NRG1: variants seen among roughly 807,000 people sequenced by gnomAD.
The protein encoded by NRG1 is pro-neuregulin-1, membrane-bound isoform.
A neutral mutation model predicts 63.8 loss-of-function variants in NRG1; 18 were observed. The observed-to-expected ratio is 0.28, with a 90% CI of 0.19 to 0.42. The LOEUF (loss-of-function observed/expected upper bound fraction) is 0.42, where lower values mean the gene tolerates loss of function less well. Ranked by LOEUF, NRG1 falls within the 10% of genes least tolerant of loss-of-function variation. The probability of loss-of-function intolerance (pLI) is 1.00; values close to 1 mark genes in which losing one functional copy is unlikely to be tolerated. For synonymous variants in NRG1, 302 were observed against 301.3 expected, an observed-to-expected ratio of 1.00 and a Z score of -0.02; for missense variants, 762 against 814.7, an observed-to-expected ratio of 0.94 and a Z score of 0.79.
chr8:31,775,436 A>G (rs955527575), intron 1 of NRG1, among the ~76,000 whole-genome samples: 2 of 152,196 alleles, frequency 1.3e-5, no homozygotes, highest in African/African-American at 4.8e-5. Flanking sequence ...GAGGACCCCA[A>G]AAGCACAGAG....
chr8:32,505,294 T>C (rs962571095), intron 1 of NRG1, among the ~76,000 whole-genome samples: 1 of 152,190 alleles, frequency 6.6e-6, no homozygotes, highest in African/African-American at 2.4e-5. Flanking sequence ...AGCTATCCAG[T>C]CTAACCATGA....
chr8:32,692,110 C>T (rs929420580), intron 5 of NRG1, among the ~76,000 whole-genome samples: 1 of 152,178 alleles, frequency 6.6e-6, no homozygotes, highest in Admixed American at 6.5e-5. Flanking sequence ...TGCATAATGA[C>T]TTGAAGTATT....
intron 1 of NRG1, among the ~76,000 whole-genome samples, chr8:32,594,352 C>G (rs16879603): frequency 0.011 from 1,644 of 152,250 alleles, 12 homozygotes; most frequent in Middle Eastern, 0.048. Context: ...GATTTTGTAG[C>G]TGGCTTTTCT....
intron 5 of NRG1, among the ~76,000 whole-genome samples, chr8:32,634,484 T>C (rs1046277762): frequency 7.2e-5 from 11 of 152,198 alleles, no homozygotes; most frequent in African/African-American, 2.7e-4. Context: ...ATCATTTAAA[T>C]GGTTTGGTTT....
intron 1 of NRG1, among the ~76,000 whole-genome samples, chr8:32,015,201 A>G (rs1815326877): frequency 6.6e-6 from 1 of 152,132 alleles, no homozygotes; most frequent in Non-Finnish European, 1.5e-5. Flanking sequence ...ATACCATAAA[A>G]TATTTTAGAC....
At chr8:31,958,546 T>C (rs1238874848) in intron 1 of NRG1, among the ~76,000 whole-genome samples, 1 of 152,182 alleles carries the variant, frequency 6.6e-6, no homozygotes, top group African/African-American at 2.4e-5. Flanking sequence ...TGAGGATCCA[T>C]CCTACATGGA....
chr8:31,797,746 A>G (rs1821368160), intron 1 of NRG1, among the ~76,000 whole-genome samples: 1 of 152,190 alleles, frequency 6.6e-6, no homozygotes, highest in South Asian at 2.1e-4. Flanking sequence ...AACACTATTT[A>G]TGGCAGCACT....
chr8:31,805,741 T>A (rs1822206597), intron 1 of NRG1, among the ~76,000 whole-genome samples: 1 of 142,222 alleles, frequency 7.0e-6, no homozygotes, highest in African/African-American at 2.6e-5. Flanking sequence ...GGCAGGAGAA[T>A]GGCATGAACC....
intron 1 of NRG1, among the ~76,000 whole-genome samples, chr8:32,386,349 GAGTT>G (rs947017127): frequency 6.6e-6 from 1 of 152,212 alleles, no homozygotes; most frequent in African/African-American, 2.4e-5. Context: ...ACAGAGCTAA[GAGTT>G]AGACGACCCA....
At chr8:31,883,578 C>T (rs1245002611) in intron 1 of NRG1, among the ~76,000 whole-genome samples, 1 of 152,024 alleles carries the variant, frequency 6.6e-6, no homozygotes. Flanking sequence ...AGCAGAGTAG[C>T]CCAATCAAGT....
chr8:32,758,207 T>G lies in NRG1; in HGVS notation c.922-1099T>G, dbSNP rs576002049. On this transcript the variant is annotated intron_variant, in intron 9 of 11. Coordinates refer to ENST00000356819, the Ensembl canonical transcript of NRG1. ...AATTTGGTATAAATACTAACAGCAA[T>G]TAAAACACAACTTCAAAAAGGGGCC... Among the ~76,000 whole-genome samples, 225 of 152,238 alleles carry G rather than the reference T, an allele frequency of 1.5e-3. 1 individual carries two copies. The highest frequency in any genetic ancestry group is 1.7e-3 in the Non-Finnish European group (113 of 68,004).
At chr8:32,356,477 C>G (rs1223349479) in intron 1 of NRG1, among the ~76,000 whole-genome samples, 1 of 118,988 alleles carries the variant, frequency 8.4e-6, no homozygotes, top group Non-Finnish European at 1.8e-5. Flanking sequence ...TGTTGGGACC[C>G]CCCCCCCACC....
chr8:32,217,321 G>T (rs1219679917), intron 1 of NRG1, among the ~76,000 whole-genome samples: 2 of 151,372 alleles, frequency 1.3e-5, no homozygotes, highest in African/African-American at 4.8e-5. Flanking sequence ...AGAGGTAAAA[G>T]CTCCCAGGAA....
intron 1 of NRG1, among the ~76,000 whole-genome samples, chr8:32,199,854 A>G (rs533459162): frequency 6.6e-6 from 1 of 152,160 alleles, no homozygotes; most frequent in South Asian, 2.1e-4. Context: ...ATCTTAGTTC[A>G]CTGCAACCTC....
intron 1 of NRG1, among the ~76,000 whole-genome samples, chr8:32,114,344 C>A (rs1050205478): frequency 6.6e-6 from 1 of 152,224 alleles, no homozygotes; most frequent in Admixed American, 6.5e-5. Flanking sequence ...TGCGATAAAA[C>A]AGCTTCCCAA....
At chr8:32,476,445 A>G (rs1824531237) in intron 1 of NRG1, among the ~76,000 whole-genome samples, 1 of 152,226 alleles carries the variant, frequency 6.6e-6, no homozygotes, top group Non-Finnish European at 1.5e-5. Context: ...GTTTCATTTC[A>G]GGAGGTCAAA....
At chr8:32,507,046 A>G (rs569751302) in intron 1 of NRG1, among the ~76,000 whole-genome samples, 1 of 152,158 alleles carries the variant, frequency 6.6e-6, no homozygotes, top group Non-Finnish European at 1.5e-5. Context: ...GTTGAAAAAA[A>G]CCTAGGGGTG....
chr8:32,200,699 T>C (rs1362892740), intron 1 of NRG1, among the ~76,000 whole-genome samples: 2 of 152,222 alleles, frequency 1.3e-5, no homozygotes, highest in Non-Finnish European at 2.9e-5. Context: ...ATTCCCAATG[T>C]TAGTGTCTGC....
At chr8:32,060,042 GCTCT>G (rs1309979576) in intron 1 of NRG1, among the ~76,000 whole-genome samples, 1 of 151,694 alleles carries the variant, frequency 6.6e-6, no homozygotes, top group Non-Finnish European at 1.5e-5. Context: ...AGTCTTTCTT[GCTCT>G]CTATTTTAAT....
Sources: allele counts gnomAD v4.1 joint callset (sites outside exome capture counted in the v4.1 genomes callset), GRCh38; gene constraint gnomAD v4.1.1; transcripts MANE v1.5; gene names NCBI Gene and HGNC (gene_info 2026-07-23, HGNC 2026-07-21).